The following PCDHGB5 variants were observed in gnomAD, a reference collection of about 807,000 sequenced individuals.
The protein encoded by PCDHGB5 is protocadherin gamma subfamily B, 5.
PCDHGB5 carries 48 observed loss-of-function variants against 62.9 expected under a neutral mutation model. The ratio of observed to expected loss-of-function variants is 0.76; its 90% CI spans 0.61 to 0.97. The LOEUF (loss-of-function observed/expected upper bound fraction) is 0.97, where lower values mean the gene tolerates loss of function less well. Ranked by LOEUF, PCDHGB5 falls within the 50% of genes least tolerant of loss-of-function variation. PCDHGB5 has a pLI of 0.00. For synonymous variants in PCDHGB5, 474 were observed against 511.2 expected (o/e 0.93, Z 0.98); for missense variants, 1,118 against 1,198.6 (o/e 0.93, Z 0.99).
At chr5:141,465,978 C>T (rs568961720) in intron 1 of PCDHGB5, among the ~76,000 whole-genome samples, 7 of 151,998 alleles carry the variant, frequency 4.6e-5, no homozygotes, top group South Asian at 2.1e-4. Context: ...AAAAATTAGC[C>T]GGGCATGGTG....
intron 1 of PCDHGB5, among the ~76,000 whole-genome samples, chr5:141,406,607 C>T (rs1289606470): frequency 6.6e-6 from 1 of 152,202 alleles, no homozygotes; most frequent in Non-Finnish European, 1.5e-5. Flanking sequence ...AAAGTTGTCA[C>T]ATCTTTTATT....
intron 1 of PCDHGB5, chr5:141,403,257 G>A: frequency 6.2e-7 from 1 of 1,613,902 alleles, no homozygotes; most frequent in Non-Finnish European, 8.5e-7. Flanking sequence ...AGCCCGCGGT[G>A]TCTGGTGAAC....
In PCDHGB5 at chr5:141,417,986, A is replaced by G. The variant is rs777967345; in HGVS notation, c.2397+17462A>G. On this transcript the variant is annotated intron_variant, in intron 1 of 3. Coordinates refer to ENST00000617380, the MANE Select transcript of PCDHGB5 (RefSeq NM_018925.3). ...CTACTCGATTCCGGAGGAGCTGGCC[A>G]AGGGCTCGGTGGTGGGGAACCTCGC... The G allele has an allele frequency of 9.9e-6, 16 of 1,613,490 alleles. No individual in the cohort carries two copies. Among genetic ancestry groups the G allele is most frequent in the Non-Finnish European group, 1.4e-5 (16 of 1,179,718 alleles).
Position 141,431,054 on chromosome 5 carries a change from G to T in PCDHGB5, c.2397+30530G>T. 6.2e-7 allele frequency: 1 copy of T among 1,614,198 alleles called. No individual in the cohort carries two copies. The highest frequency in any genetic ancestry group is 8.5e-7 in the Non-Finnish European group (1 of 1,180,004). ...AGACCGGGAGGAGCTCTGTATGGGG[G>T]CCATCAAGTGTCAATTAAATCTAGA... On this transcript the variant is annotated intron_variant, in intron 1 of 3. Transcript: ENST00000617380. This position sits in a 1 kb window ranked among gnomAD's most constrained non-coding sequence, Gnocchi z 4.8.
intron 1 of PCDHGB5, among the ~76,000 whole-genome samples, chr5:141,472,224 A>G (rs570743680): frequency 1.4e-4 from 21 of 152,330 alleles, no homozygotes; most frequent in African/African-American, 4.1e-4. Context: ...TCTCGATCAT[A>G]TAATACATTC....
intron 1 of PCDHGB5, chr5:141,403,339 C>T (rs2094393588): frequency 1.2e-6 from 2 of 1,613,892 alleles, no homozygotes; most frequent in Admixed American, 1.7e-5. Context: ...TTAACGACAG[C>T]GCCCCAAAGT....
In PCDHGB5 at chr5:141,491,908, G is replaced by T; in HGVS notation, c.2398-2899G>T. ...GGGGCTCCGAGCACCGGGGGTGGTG[G>T]CGACTGTGGGCGAGGGGAGGTGGGA... On this transcript the variant is annotated intron_variant, in intron 1 of 3. Transcript: ENST00000617380. The surrounding 1 kb of genome is among the most constrained non-coding windows in gnomAD (Gnocchi z 6.9). 7.1e-7 allele frequency: 1 copy of T among 1,408,288 alleles called. No homozygotes were observed. Among genetic ancestry groups the T allele is most frequent in the Non-Finnish European group, 9.4e-7 (1 of 1,060,836 alleles). The allele number at this position is 1,408,288 out of a possible 1,614,324, so 87.2% of individuals were successfully genotyped here. A position where few individuals can be genotyped will look rare whatever the true frequency, so the allele number is the denominator to read the frequency against.
chr5:141,503,392 C>T lies in PCDHGB5; in HGVS notation c.2457-2001C>T, dbSNP rs554732406. 1.2e-4 allele frequency among the ~76,000 whole-genome samples: 18 copies of T among 151,870 alleles called. No individual in the cohort carries two copies. The South Asian group carries it at 3.5e-3, about 30-fold the overall frequency. On this transcript the variant is annotated intron_variant, in intron 2 of 3. Transcript: ENST00000617380. ...CAGGTGGATCATGAGGTCAGGAGTT[C>T]GAAACCAACCTGGCCAATATGGTGA...
intron 1 of PCDHGB5, chr5:141,475,949 G>A: frequency 1.3e-6 from 1 of 758,910 alleles, no homozygotes; most frequent in South Asian, 1.9e-5. Flanking sequence ...TCCCCTTTCT[G>A]CGCCCCGGGA....
Position 141,490,483 on chromosome 5 carries a change from G to A in PCDHGB5, c.2398-4324G>A. On this transcript the variant is annotated intron_variant, in intron 1 of 3. Transcript: ENST00000617380. The surrounding 1 kb of genome is among the most constrained non-coding windows in gnomAD (Gnocchi z 5.4). ...GCTAACCAGCCAGCCTTTGGACCGG[G>A]AGGCCACATCCCACTATATCATCGA... 2.5e-6 allele frequency: 4 copies of A among 1,614,198 alleles called. No individual in the cohort carries two copies. Among genetic ancestry groups the A allele is most frequent in the Non-Finnish European group, 3.4e-6 (4 of 1,180,046 alleles).
intron 1 of PCDHGB5, chr5:141,418,622 G>C: frequency 6.2e-7 from 1 of 1,614,026 alleles, no homozygotes; most frequent in Non-Finnish European, 8.5e-7. Context: ...TCGGGAAGAC[G>C]TGCCTCCAGG....
chr5:141,477,063 A>G lies in PCDHGB5; in HGVS notation c.2398-17744A>G, dbSNP rs2099404387. 6.2e-7 allele frequency: 1 copy of G among 1,614,248 alleles called. No individual in the cohort carries two copies. On this transcript the variant is annotated intron_variant, in intron 1 of 3. Coordinates refer to ENST00000617380, the MANE Select transcript of PCDHGB5 (RefSeq NM_018925.3). The surrounding 1 kb of genome is among the most constrained non-coding windows in gnomAD (Gnocchi z 4.9). Reference sequence around the variant, plus strand: ...GGTCGGCTGGACTTCGAGGACACCAAACTCCATGAGATTTACATCCAGGCC... The same window carrying G: ...GGTCGGCTGGACTTCGAGGACACCAGACTCCATGAGATTTACATCCAGGCC...
rs187873649 is a variant in PCDHGB5, at chr5:141,469,715, G to A, written c.2398-25092G>A. ...TATGACCTAGTAATCACACTATTAG[G>A]AATTTATCATAAATACACACCTCAA... On this transcript the variant is annotated intron_variant, in intron 1 of 3. Coordinates refer to ENST00000617380, the MANE Select transcript of PCDHGB5 (RefSeq NM_018925.3). Among the ~76,000 whole-genome samples, 552 of 152,160 alleles carry A rather than the reference G, an allele frequency of 3.6e-3. 1 individual carries two copies. Among genetic ancestry groups the A allele is most frequent in the Non-Finnish European group, 5.8e-3 (397 of 68,008 alleles).
At chr5:141,421,633 G>A (rs1369645749) in intron 1 of PCDHGB5, 3 of 1,613,834 alleles carry the variant, frequency 1.9e-6, no homozygotes, top group Non-Finnish European at 2.5e-6. Context: ...CAGCTTCCAG[G>A]AGGACGAAGT....
At chr5:141,438,303 T>G (rs2097949191) in intron 1 of PCDHGB5, among the ~76,000 whole-genome samples, 1 of 152,068 alleles carries the variant, frequency 6.6e-6, no homozygotes, top group African/African-American at 2.4e-5. Flanking sequence ...TAAAAGAAGT[T>G]GGTACCACCA....
Position 141,511,334 on chromosome 5 carries a change from C to A in PCDHGB5, c.*161C>A. 7.0e-7 allele frequency: 1 copy of A among 1,438,700 alleles called. No homozygotes were observed. Among genetic ancestry groups the A allele is most frequent in the Non-Finnish European group, 9.2e-7 (1 of 1,083,314 alleles). 89.1% of individuals were successfully genotyped at this position (1,438,700 alleles called of 1,614,324 possible). On this transcript the variant is annotated 3_prime_UTR_variant, in exon 4 of 4. Coordinates refer to ENST00000617380, the MANE Select transcript of PCDHGB5 (RefSeq NM_018925.3). ...GAAACAGAAACAAGTGCCCAGTCAG[C>A]ACCTACCCCTTCCCCCCCAGGGGGT...
Position 141,487,767 on chromosome 5 carries a change from T to G in PCDHGB5, c.2398-7040T>G, listed in dbSNP as rs2099665569. The G allele has an allele frequency of 5.2e-6, 8 of 1,538,298 alleles. No homozygotes were observed. The African/African-American group carries it at 9.6e-5, about 18-fold the overall frequency. On this transcript the variant is annotated intron_variant, in intron 1 of 3. Transcript: ENST00000617380. This position sits in a 1 kb window ranked among gnomAD's most constrained non-coding sequence, Gnocchi z 5.0. ...GGTAACTATGTGGTAGACGCTGTGC[T>G]TTGTAACTGTTTCGTGAATTAACCA... is the stretch of plus-strand genomic sequence containing the variant.
intron 2 of PCDHGB5, among the ~76,000 whole-genome samples, chr5:141,503,596 C>T (rs1267014587): frequency 7.7e-6 from 1 of 129,694 alleles, no homozygotes; most frequent in African/African-American, 3.3e-5. Context: ...GAGACTCCAG[C>T]TCAAAAAAAA....
chr5:141,404,348 G>T lies in PCDHGB5; in HGVS notation c.2397+3824G>T, dbSNP rs370966293. 60 of 1,613,640 alleles carry T rather than the reference G, an allele frequency of 3.7e-5. No individual in the cohort carries two copies. The highest frequency in any genetic ancestry group is 4.9e-5 in the Non-Finnish European group (58 of 1,179,784). ...CTCAGTCTACCTCCCGGAAAACAAC[G>T]CCAGAGGTACTTCCATCTTCTCCGT... On this transcript the variant is annotated intron_variant, in intron 1 of 3. Coordinates refer to ENST00000617380, the MANE Select transcript of PCDHGB5 (RefSeq NM_018925.3).
Sources: gnomAD v4.1 joint callset for allele counts (sites outside exome capture counted in the v4.1 genomes callset) on GRCh38, gnomAD v4.1.1 for gene constraint, Gnocchi (gnomAD v3.1) non-coding constraint, MANE v1.5 for transcripts, NCBI Gene and HGNC (gene_info 2026-07-23, HGNC 2026-07-21) for gene names.